Variants in SCHIP1 observed in about 807,000 individuals in gnomAD.
SCHIP1 encodes the protein schwannomin-interacting protein 1.
In SCHIP1, 8 loss-of-function variants were observed where a neutral mutation model predicts 29.7. The ratio of observed to expected loss-of-function variants is 0.27; its 90% CI spans 0.16 to 0.49. The LOEUF (loss-of-function observed/expected upper bound fraction) is 0.49, where lower values mean the gene tolerates loss of function less well. Ranked by LOEUF, SCHIP1 falls within the 20% of genes least tolerant of loss-of-function variation. The pLI is 0.99. For missense variants in SCHIP1, 193 were observed against 294.6 expected (o/e 0.66, Z 2.52); for synonymous variants, 76 against 94.9 (o/e 0.80, Z 1.16).
chr3:159,538,042 T>C, the SCHIP1 span, among the ~76,000 whole-genome samples: 1 of 152,158 alleles, frequency 6.6e-6, no homozygotes, highest in African/African-American at 2.4e-5. Flanking sequence ...AGATTAGCCA[T>C]GTTGCCAGAG....
At chr3:159,753,396 C>A in the SCHIP1 span, among the ~76,000 whole-genome samples, 11 of 152,188 alleles carry the variant, frequency 7.2e-5, no homozygotes, top group Non-Finnish European at 1.6e-4. Flanking sequence ...ACCTTCTCCT[C>A]CTACTGCCCA....
At chr3:159,386,510 C>A in the SCHIP1 span, among the ~76,000 whole-genome samples, 1 of 152,158 alleles carries the variant, frequency 6.6e-6, no homozygotes, top group African/African-American at 2.4e-5. Flanking sequence ...AATCAAACTA[C>A]CATTGACTTT....
chr3:159,300,113 C>CTTTTTTTTTTTTTT, the SCHIP1 span, among the ~76,000 whole-genome samples: 637 of 45,378 alleles, frequency 0.014, 161 homozygotes, highest in Non-Finnish European at 0.021. Context: ...GGGAAAGCTG[C>CTTTTTTTTTTTTTT]TTTTTTTTTT....
chr3:159,860,512 A>T (rs1467393540), intron 1 of SCHIP1, among the ~76,000 whole-genome samples: 1 of 152,232 alleles, frequency 6.6e-6, no homozygotes, highest in East Asian at 1.9e-4. Flanking sequence ...GAAAAAGAGG[A>T]TGCTAGACGT....
chr3:159,733,755 ATTTTG>A, the SCHIP1 span, among the ~76,000 whole-genome samples: 6 of 152,190 alleles, frequency 3.9e-5, no homozygotes, highest in African/African-American at 1.4e-4. Context: ...ATGAAAAAAG[ATTTTG>A]TTTTATCACG....
the SCHIP1 span, among the ~76,000 whole-genome samples, chr3:159,663,587 A>G: frequency 6.6e-6 from 1 of 152,290 alleles, no homozygotes; most frequent in African/African-American, 2.4e-5. Context: ...TACCTAACTC[A>G]GTGTTTTGTG....
chr3:159,507,300 T>G, the SCHIP1 span, among the ~76,000 whole-genome samples: 1 of 152,216 alleles, frequency 6.6e-6, no homozygotes, highest in South Asian at 2.1e-4. Flanking sequence ...ATGCTTGTGA[T>G]TTTTGCACAT....
chr3:159,664,390 A>T, the SCHIP1 span, among the ~76,000 whole-genome samples: 7 of 152,126 alleles, frequency 4.6e-5, no homozygotes, highest in Admixed American at 1.3e-4. Context: ...GGATTTTTTT[A>T]AAAGCATAGA....
At chr3:159,606,829 C>T in the SCHIP1 span, among the ~76,000 whole-genome samples, 5 of 152,200 alleles carry the variant, frequency 3.3e-5, no homozygotes, top group Non-Finnish European at 4.4e-5. Flanking sequence ...CCTGCTAGAC[C>T]TTCCATTGGC....
the SCHIP1 span, among the ~76,000 whole-genome samples, chr3:159,632,060 G>A: frequency 6.6e-6 from 1 of 152,026 alleles, no homozygotes; most frequent in Non-Finnish European, 1.5e-5. Context: ...TTAAATCTAT[G>A]TTTTAGCTAT....
At chr3:159,460,352 G>A in the SCHIP1 span, among the ~76,000 whole-genome samples, 29 of 152,284 alleles carry the variant, frequency 1.9e-4, no homozygotes, top group Middle Eastern at 0.01. Flanking sequence ...GAAGGTCAAG[G>A]AATAGTTGTA....
the SCHIP1 span, among the ~76,000 whole-genome samples, chr3:159,830,640 C>T: frequency 6.6e-6 from 1 of 152,100 alleles, no homozygotes; most frequent in Non-Finnish European, 1.5e-5. Flanking sequence ...TTTTGGGCCT[C>T]AGAGTATTGT....
the SCHIP1 span, among the ~76,000 whole-genome samples, chr3:159,402,836 A>T: frequency 6.6e-6 from 1 of 152,060 alleles, no homozygotes; most frequent in Non-Finnish European, 1.5e-5. Context: ...ATGCTAAATG[A>T]CGAGTTGATG....
chr3:159,305,474 G>GAAAAA, the SCHIP1 span, among the ~76,000 whole-genome samples: 1 of 152,116 alleles, frequency 6.6e-6, no homozygotes, highest in African/African-American at 2.4e-5. Flanking sequence ...TTTTCTCAGA[G>GAAAAA]AAAGTATTGC....
the SCHIP1 span, among the ~76,000 whole-genome samples, chr3:159,336,181 T>A: frequency 6.6e-6 from 1 of 152,246 alleles, no homozygotes; most frequent in African/African-American, 2.4e-5. Context: ...GCTCACTTTT[T>A]GATGGAGTTG....
the SCHIP1 span, among the ~76,000 whole-genome samples, chr3:159,676,975 G>A: frequency 2.6e-5 from 4 of 152,064 alleles, no homozygotes. Flanking sequence ...ACTACTGTGG[G>A]GTTATGCCTA....
the SCHIP1 span, among the ~76,000 whole-genome samples, chr3:159,606,000 G>T: frequency 6.6e-5 from 10 of 152,272 alleles, no homozygotes; most frequent in African/African-American, 2.4e-4. Flanking sequence ...CACTACAGCT[G>T]CCTCACATAG....
chr3:159,764,341 C>T, the SCHIP1 span: 4 of 1,386,402 alleles, frequency 2.9e-6, no homozygotes, highest in Non-Finnish European at 3.8e-6. This position sits in a 1 kb window ranked among gnomAD's most constrained non-coding sequence, Gnocchi z 6.1. Context: ...TCTGACCCAG[C>T]GGGCGCAGGG....
the SCHIP1 span, among the ~76,000 whole-genome samples, chr3:159,643,307 C>T: frequency 2.0e-5 from 3 of 152,074 alleles, no homozygotes; most frequent in Non-Finnish European, 4.4e-5. Context: ...TACCATGCTC[C>T]AGAGTCTGTG....
Sources: allele counts gnomAD v4.1 joint callset (sites outside exome capture counted in the v4.1 genomes callset), GRCh38; gene constraint gnomAD v4.1.1; non-coding constraint Gnocchi (gnomAD v3.1); transcripts MANE v1.5; gene names NCBI Gene and HGNC (gene_info 2026-07-23, HGNC 2026-07-21).